FGD6: variants seen among roughly 807,000 people sequenced by gnomAD.
The protein encoded by FGD6 is FYVE, RhoGEF and PH domain-containing protein 6.
A neutral mutation model predicts 149.4 loss-of-function variants in FGD6; 90 were observed. The observed-to-expected ratio is 0.60, with a 90% CI of 0.51 to 0.72. FGD6 has a LOEUF of 0.72. Among genes scored for constraint, FGD6 ranks in the 30% least tolerant of loss-of-function variants. FGD6 has a pLI of 0.00. For synonymous variants in FGD6, 527 were observed against 584.0 expected (o/e 0.90, Z 1.41); for missense variants, 1,437 against 1,684.8 (o/e 0.85, Z 2.57).
rs535144885 is a variant in FGD6 at position 95,093,851 on chromosome 12, A to C, written c.3600+741T>G. 6.7e-5 allele frequency among the ~76,000 whole-genome samples: 9 copies of C among 133,720 alleles called. No homozygotes were observed. The East Asian group carries it at 1.4e-3, about 21-fold the overall frequency. 87.7% of individuals were successfully genotyped at this position (133,720 alleles called of 152,430 possible). ...CGACAGAGCAATACTCCATCTCAAC[A>C]AAAAAAAAAAAGAAATATGGGCTAT... On this transcript the variant is annotated intron_variant, in intron 15 of 20. Coordinates refer to ENST00000343958, the MANE Select transcript of FGD6 (RefSeq NM_018351.4).
intron 9 of FGD6, among the ~76,000 whole-genome samples, chr12:95,111,890 A>C (rs1292962902): frequency 1.3e-5 from 2 of 152,186 alleles, no homozygotes; most frequent in Non-Finnish European, 2.9e-5. Flanking sequence ...ATCTCTACAA[A>C]AAGGGTTAAA....
Position 95,085,826 on chromosome 12 carries a change from CAA to C in FGD6, c.4059_4060del (p.Phe1353LeufsTer7). 6.2e-7 allele frequency: 1 copy of C among 1,613,770 alleles called. No homozygotes were observed. Among genetic ancestry groups the C allele is most frequent in the Non-Finnish European group, 8.5e-7 (1 of 1,179,918 alleles). ...TAGTACTTTATTTTTTATGACAAAC[CAA>C]AAGTGTTTCCAGGGTTTTTTATTGC... On this transcript the variant is annotated frameshift_variant, in exon 19 of 21. Coordinates refer to ENST00000343958, the MANE Select transcript of FGD6 (RefSeq NM_018351.4). LOFTEE classifies it high-confidence loss of function.
At position 95,174,681 on chromosome 12, in the gene FGD6, C is replaced by G. The variant is rs1022884521; in HGVS notation, c.2442-1937G>C. ...CGGTGGCTCACGCCTGTAATCCCAG[C>G]ACTTTGGGAAGCTGAGGCGGGTGGA... On this transcript the variant is annotated intron_variant, in intron 2 of 20. Coordinates refer to ENST00000343958, the MANE Select transcript of FGD6 (RefSeq NM_018351.4). 2.0e-5 allele frequency among the ~76,000 whole-genome samples: 3 copies of G among 152,130 alleles called. No homozygotes were observed. In the South Asian group the frequency reaches 6.2e-4, roughly 31 times the overall value.
At chr12:95,142,705 A>C (rs1467052151) in intron 5 of FGD6, among the ~76,000 whole-genome samples, 1 of 152,222 alleles carries the variant, frequency 6.6e-6, no homozygotes, top group Non-Finnish European at 1.5e-5. Context: ...CTTTAATTAG[A>C]TATTGCACAT....
chr12:95,188,910 G>C (rs1342594450), intron 2 of FGD6, among the ~76,000 whole-genome samples: 1 of 151,002 alleles, frequency 6.6e-6, no homozygotes, highest in Non-Finnish European at 1.5e-5. Context: ...TGCAAAGAAA[G>C]AAAAGAAAAA....
intron 2 of FGD6, among the ~76,000 whole-genome samples, chr12:95,176,731 C>T (rs963999195): frequency 6.6e-6 from 1 of 152,160 alleles, no homozygotes; most frequent in Non-Finnish European, 1.5e-5. Flanking sequence ...CAGCACACCT[C>T]CACTGGAAGT....
intron 3 of FGD6, among the ~76,000 whole-genome samples, chr12:95,156,741 A>G (rs998736010): frequency 1.3e-5 from 2 of 152,070 alleles, no homozygotes; most frequent in African/African-American, 4.8e-5. Context: ...GAACCTGCCG[A>G]CATGTGATGT....
In FGD6 at chr12:95,079,742, A is replaced by G. The variant is rs1877610530; in HGVS notation, c.*1778T>C. The G allele has an allele frequency of 2.6e-5, 4 of 152,128 alleles. No individual in the cohort carries two copies. Among genetic ancestry groups the G allele is most frequent in the Admixed American group, 2.6e-4 (4 of 15,266 alleles). 9.4% of individuals were successfully genotyped at this position (152,128 alleles called of 1,614,324 possible). The stretch of plus-strand genomic sequence containing the variant: ...TGACTCCATGGCAAAAAATCGCCAC[A>G]AAAAACTATAGCAGCCAACTCTAGA... On this transcript the variant is annotated 3_prime_UTR_variant, in exon 21 of 21. Transcript: ENST00000343958.
chr12:95,167,113 G>A (rs144377405), intron 3 of FGD6, among the ~76,000 whole-genome samples: 6 of 152,032 alleles, frequency 3.9e-5, no homozygotes, highest in African/African-American at 1.2e-4. Flanking sequence ...CCTTGGCCTC[G>A]CAAAGTGCTG....
intron 3 of FGD6, among the ~76,000 whole-genome samples, chr12:95,155,574 A>G (rs1565910921): frequency 1.3e-5 from 2 of 152,194 alleles, no homozygotes; most frequent in African/African-American, 4.8e-5. Flanking sequence ...AATCACTTCT[A>G]TGCTCACAAG....
intron 15 of FGD6, 138 bp downstream of exon 15, chr12:95,094,454 T>G (rs189871540): frequency 1.4e-4 from 86 of 595,194 alleles, no homozygotes; most frequent in Admixed American, 9.1e-4. Context: ...AAATGAGACA[T>G]TAATCTGTAG....
chr12:95,108,640 G>A (rs1462641706), intron 9 of FGD6, 79 bp from the exon 10 acceptor site: 4 of 1,509,218 alleles, frequency 2.7e-6, no homozygotes, highest in Admixed American at 1.7e-5. Flanking sequence ...CAATTCCAGG[G>A]GACAAGATAG....
intron 2 of FGD6, among the ~76,000 whole-genome samples, chr12:95,200,328 CA>C (rs1409952756): frequency 1.3e-5 from 2 of 152,274 alleles, no homozygotes; most frequent in East Asian, 3.9e-4. Context: ...ATGGAAACAT[CA>C]GGGGGAAACT....
Position 95,152,916 on chromosome 12 carries a change from A to G in FGD6, c.2654+10T>C. The G allele has an allele frequency of 6.2e-7, 1 of 1,613,876 alleles. No homozygotes were observed. The highest frequency in any genetic ancestry group is 8.5e-7 in the Non-Finnish European group (1 of 1,179,784). On this transcript the variant is annotated intron_variant, in intron 4 of 20. Transcript: ENST00000343958. The stretch of plus-strand genomic sequence containing the variant: ...AAAACAGTCTTCTGAATTGTAAACT[A>G]GATACCTACACTTTCTCTGAGCTCA...
intron 1 of FGD6, among the ~76,000 whole-genome samples, chr12:95,215,586 C>T (rs1297078307): frequency 6.6e-6 from 1 of 152,178 alleles, no homozygotes; most frequent in Non-Finnish European, 1.5e-5. Context: ...ATGCTAAAAA[C>T]CAACCAACTC....
chr12:95,082,328 T>C (rs1877701898), intron 20 of FGD6, among the ~76,000 whole-genome samples: 1 of 152,090 alleles, frequency 6.6e-6, no homozygotes, highest in South Asian at 2.1e-4. Context: ...AAAAGGAATC[T>C]GGCATCTAGT....
chr12:95,208,693 T>A, intron 2 of FGD6, 150 bp downstream of exon 2: 1 of 913,682 alleles, frequency 1.1e-6, no homozygotes, highest in Non-Finnish European at 1.6e-6. Context: ...AACTGTATGC[T>A]AAAAGGAGGC....
intron 8 of FGD6, chr12:95,126,439 A>C: frequency 9.3e-7 from 1 of 1,075,060 alleles, no homozygotes; most frequent in Non-Finnish European, 1.3e-6. Context: ...AAACAAACAA[A>C]AAACAAAGGC....
At chr12:95,200,490 G>T in intron 2 of FGD6, among the ~76,000 whole-genome samples, 1 of 152,122 alleles carries the variant, frequency 6.6e-6, no homozygotes. Context: ...CATTTTTCAT[G>T]AAATCACTTA....
Sources: allele counts gnomAD v4.1 joint callset (sites outside exome capture counted in the v4.1 genomes callset), GRCh38; gene constraint gnomAD v4.1.1; transcripts MANE v1.5; gene names NCBI Gene and HGNC (gene_info 2026-07-23, HGNC 2026-07-21).